The following CPN1 variants were observed in gnomAD, a reference collection of about 807,000 sequenced individuals.
The protein encoded by CPN1 is carboxypeptidase N subunit 1, also known as carboxypeptidase N catalytic chain.
CPN1 carries 37 observed loss-of-function variants against 46.4 expected under a neutral mutation model. That is an observed-to-expected ratio of 0.80 (90% CI 0.61 to 1.05). The LOEUF is 1.05. CPN1 is among the 50% of genes least tolerant of loss of function. The pLI is 0.00. For missense variants in CPN1, 563 were observed against 602.6 expected (o/e 0.93, Z 0.69); for synonymous variants, 224 against 235.4 (o/e 0.95, Z 0.44).
chr10:100,058,065 C>G (rs2041395457), intron 5 of CPN1, among the ~76,000 whole-genome samples: 1 of 152,078 alleles, frequency 6.6e-6, no homozygotes, highest in Non-Finnish European at 1.5e-5. Context: ...CTATTTCTTT[C>G]TTTCCTCCAT....
intron 5 of CPN1, among the ~76,000 whole-genome samples, chr10:100,061,104 G>A (rs1039386517): frequency 6.6e-6 from 1 of 151,944 alleles, no homozygotes; most frequent in South Asian, 2.1e-4. Context: ...TGGGGGTGGG[G>A]AGAATGGGGA....
At chr10:100,066,229 G>A (rs2041454254) in intron 3 of CPN1, among the ~76,000 whole-genome samples, 2 of 152,258 alleles carry the variant, frequency 1.3e-5, no homozygotes, top group South Asian at 2.1e-4. Flanking sequence ...GGGATTACAG[G>A]CGTGAGCCAC....
intron 6 of CPN1, among the ~76,000 whole-genome samples, chr10:100,055,875 C>T (rs571565023): frequency 6.6e-6 from 1 of 152,288 alleles, no homozygotes; most frequent in Non-Finnish European, 1.5e-5. Context: ...ATGGATATAC[C>T]ACATTTGTTT....
intron 5 of CPN1, among the ~76,000 whole-genome samples, chr10:100,060,138 CA>C (rs1410188516): frequency 6.6e-6 from 1 of 152,100 alleles, no homozygotes; most frequent in Non-Finnish European, 1.5e-5. Flanking sequence ...TTCAGTTTTA[CA>C]AGCTGAAAAG....
chr10:100,078,352 A>G (rs1276879504), intron 1 of CPN1, among the ~76,000 whole-genome samples: 1 of 152,190 alleles, frequency 6.6e-6, no homozygotes, highest in African/African-American at 2.4e-5. Flanking sequence ...TCTACTTTCA[A>G]TATATCTGGA....
chr10:100,064,392 T>A (rs1049343410), intron 4 of CPN1, among the ~76,000 whole-genome samples: 5 of 149,640 alleles, frequency 3.3e-5, no homozygotes, highest in Non-Finnish European at 7.4e-5. Flanking sequence ...ATATAATTTT[T>A]TTTTTGAGAC....
chr10:100,078,891 G>A (rs1175703307), intron 1 of CPN1, among the ~76,000 whole-genome samples: 1 of 152,202 alleles, frequency 6.6e-6, no homozygotes, highest in Admixed American at 6.5e-5. Context: ...ACATGGCTGT[G>A]ACCTCCTCTC....
At chr10:100,046,081 A>G (rs968345497) in intron 8 of CPN1, among the ~76,000 whole-genome samples, 1 of 152,202 alleles carries the variant, frequency 6.6e-6, no homozygotes, top group Non-Finnish European at 1.5e-5. Flanking sequence ...AAATCAAAGA[A>G]GTTCTTTGCT....
Position 100,042,442 on chromosome 10 carries a change from C to T in CPN1, c.1362G>A (p.Gln454=), listed in dbSNP as rs753604272. Residue 454 remains glutamine (Q), a synonymous_variant, in exon 9 of 9, where the codon CAG becomes CAA. Transcript: ENST00000370418. ...RKKEMEMRQL[Q]RGPA is the part of the protein sequence containing the mutation. ...ACTGTGGGTTTCAGGCAGGGCCTCT[C>T]TGCAGCTGCCTCATCTCCATTTCTT... is the stretch of plus-strand genomic sequence containing the variant. 13 of 1,613,224 alleles carry T rather than the reference C, an allele frequency of 8.1e-6. No individual in the cohort carries two copies. In the South Asian group the frequency reaches 1.4e-4, roughly 18 times the overall value.
In CPN1 at chr10:100,042,539, A is replaced by G; in HGVS notation, c.1265T>C (p.Val422Ala). 6 of 1,613,908 alleles carry G rather than the reference A, an allele frequency of 3.7e-6. No individual in the cohort carries two copies. Among genetic ancestry groups the G allele is most frequent in the Non-Finnish European group, 4.2e-6 (5 of 1,179,994 alleles). The change falls in exon 9 of 9, where the codon GTA becomes GCA. Residue 422 changes from valine (V) to alanine (A), a missense_variant. Coordinates refer to ENST00000370418, the MANE Select transcript of CPN1 (RefSeq NM_001308.3). The part of the protein sequence containing the change: ...NFHLKRSIPQ[V>A]SPVRRAPSRR... ...GCTGGGAGCTCTCCTCACAGGGCTT[A>G]CTTGAGGGATGCTTCTTTTGAGGTG...
intron 1 of CPN1, among the ~76,000 whole-genome samples, chr10:100,076,522 C>T (rs2041516202): frequency 1.3e-5 from 2 of 152,246 alleles, no homozygotes; most frequent in African/African-American, 4.8e-5. Context: ...TAGCATGCTG[C>T]TTCTCAGAGA....
At chr10:100,069,677 T>A in intron 3 of CPN1, 37 bp downstream of exon 3, 1 of 1,613,634 alleles carries the variant, frequency 6.2e-7, no homozygotes, top group Non-Finnish European at 8.5e-7. Context: ...TTCCAGATGC[T>A]GATTTACCTG....
At chr10:100,056,948 C>T (rs1012454294) in intron 6 of CPN1, 65 bp downstream of exon 6, 20 of 1,608,206 alleles carry the variant, frequency 1.2e-5, no homozygotes, top group Non-Finnish European at 1.7e-5. Flanking sequence ...CAGTGAAACA[C>T]CTTGCCTGCC....
intron 5 of CPN1, among the ~76,000 whole-genome samples, chr10:100,057,797 T>C (rs1050673295): frequency 2.0e-5 from 3 of 152,116 alleles, no homozygotes; most frequent in Non-Finnish European, 4.4e-5. Flanking sequence ...GGGGTGATGA[T>C]AGCAGGTCAT....
chr10:100,060,593 A>G (rs1282993961), intron 5 of CPN1, among the ~76,000 whole-genome samples: 1 of 152,178 alleles, frequency 6.6e-6, no homozygotes, highest in Non-Finnish European at 1.5e-5. Context: ...GAAAAAAATT[A>G]TCACTTACTT....
At chr10:100,043,417 A>G (rs1036096422) in intron 8 of CPN1, among the ~76,000 whole-genome samples, 1 of 151,788 alleles carries the variant, frequency 6.6e-6, no homozygotes, top group African/African-American at 2.4e-5. Flanking sequence ...AAAAGTAAAG[A>G]AAAGAAAGAA....
At chr10:100,080,462 T>C (rs756952089) in intron 1 of CPN1, among the ~76,000 whole-genome samples, 1 of 152,172 alleles carries the variant, frequency 6.6e-6, no homozygotes, top group Non-Finnish European at 1.5e-5. Context: ...TAAATATGCA[T>C]AGAAAAAAGT....
At chr10:100,067,270 C>A (rs1489423822) in intron 3 of CPN1, among the ~76,000 whole-genome samples, 1 of 152,106 alleles carries the variant, frequency 6.6e-6, no homozygotes, top group Admixed American at 6.5e-5. Flanking sequence ...GCGCCCACCA[C>A]CACAGCTGGC....
intron 1 of CPN1, among the ~76,000 whole-genome samples, chr10:100,076,831 A>T (rs2041518075): frequency 6.6e-6 from 1 of 152,154 alleles, no homozygotes; most frequent in South Asian, 2.1e-4. Flanking sequence ...ACTGAAGTAC[A>T]GGAAAACTAA....
Sources: gnomAD v4.1 joint callset for allele counts (sites outside exome capture counted in the v4.1 genomes callset) on GRCh38, gnomAD v4.1.1 for gene constraint, MANE v1.5 for transcripts, NCBI Gene and HGNC (gene_info 2026-07-23, HGNC 2026-07-21) for gene names.